The following RBFOX1 variants were observed in gnomAD, a reference collection of about 807,000 sequenced individuals.
The protein encoded by RBFOX1 is RNA binding protein fox-1 homolog 1.
RBFOX1 carries 8 observed loss-of-function variants against 57.7 expected under a neutral mutation model. The ratio of observed to expected loss-of-function variants is 0.14; its 90% CI spans 0.08 to 0.25. RBFOX1 has a LOEUF of 0.25. Ranked by LOEUF, RBFOX1 falls within the 10% of genes least tolerant of loss-of-function variation. The probability of loss-of-function intolerance (pLI) is 1.00; values close to 1 mark genes in which losing one functional copy is unlikely to be tolerated. For missense variants in RBFOX1, 611 were observed against 548.5 expected (o/e 1.11, Z -1.14); for synonymous variants, 326 against 222.4 (o/e 1.47, Z -4.15).
At chr16:6,251,669 G>A (rs144633152) in intron 1 of RBFOX1, among the ~76,000 whole-genome samples, 1 of 152,218 alleles carries the variant, frequency 6.6e-6, no homozygotes, top group East Asian at 1.9e-4. Context: ...ACAGAGTTTG[G>A]TGCATCAGTA....
chr16:5,507,433 A>G (rs548639392), intron 2 of RBFOX1, among the ~76,000 whole-genome samples: 10 of 152,242 alleles, frequency 6.6e-5, no homozygotes, highest in African/African-American at 2.2e-4. Flanking sequence ...CATGTGGTGC[A>G]TGAATGGGGG....
At chr16:7,334,000 C>A (rs1002071752) in intron 4 of RBFOX1, among the ~76,000 whole-genome samples, 1 of 152,208 alleles carries the variant, frequency 6.6e-6, no homozygotes, top group Non-Finnish European at 1.5e-5. Context: ...TATTTAGGTA[C>A]GTCCTTTCAC....
At chr16:5,725,970 T>C (rs561834218) in intron 3 of RBFOX1, among the ~76,000 whole-genome samples, 5 of 152,174 alleles carry the variant, frequency 3.3e-5, no homozygotes, top group East Asian at 2.0e-4. Flanking sequence ...ATTTCTGAGG[T>C]TGGTCACCAA....
chr16:6,216,133 G>A (rs962199624), intron 1 of RBFOX1, among the ~76,000 whole-genome samples: 4 of 152,168 alleles, frequency 2.6e-5, no homozygotes, highest in Non-Finnish European at 5.9e-5. Context: ...CTTTTGGAGG[G>A]TGGGGAGTTG....
At chr16:6,278,909 A>G (rs1431959443) in intron 1 of RBFOX1, among the ~76,000 whole-genome samples, 1 of 152,160 alleles carries the variant, frequency 6.6e-6, no homozygotes, top group Admixed American at 6.5e-5. Context: ...GATTTTTTTT[A>G]ATCACCAAGA....
intron 14 of RBFOX1, chr16:7,693,479 GAAAA>G (rs199635596): frequency 8.0e-6 from 4 of 502,640 alleles, no homozygotes; most frequent in South Asian, 3.1e-5. Flanking sequence ...GTTTAGTTAA[GAAAA>G]AAAAAAAAGA....
chr16:5,802,109 G>C (rs189248122), intron 3 of RBFOX1, among the ~76,000 whole-genome samples: 1 of 152,120 alleles, frequency 6.6e-6, no homozygotes, highest in African/African-American at 2.4e-5. Flanking sequence ...CTCTGGAGTA[G>C]TGTATAAGCT....
intron 1 of RBFOX1, among the ~76,000 whole-genome samples, chr16:5,394,499 A>C (rs924934354): frequency 4.0e-5 from 6 of 149,790 alleles, no homozygotes; most frequent in African/African-American, 1.5e-4. Flanking sequence ...CATATCTCAA[A>C]TCTCTTTTTT....
At chr16:5,709,858 T>TAA (rs2051417088) in intron 3 of RBFOX1, among the ~76,000 whole-genome samples, 1 of 55,252 alleles carries the variant, frequency 1.8e-5, no homozygotes, top group South Asian at 8.6e-4. Context: ...TTTTTTTTTT[T>TAA]TTTTTTTTTT....
intron 1 of RBFOX1, among the ~76,000 whole-genome samples, chr16:5,442,159 G>T (rs2068104535): frequency 6.6e-6 from 1 of 152,242 alleles, no homozygotes; most frequent in Non-Finnish European, 1.5e-5. Flanking sequence ...CTTCCTAGAA[G>T]AGGCAGTGCC....
chr16:7,378,251 C>A (rs2097721158), intron 4 of RBFOX1, among the ~76,000 whole-genome samples: 2 of 152,226 alleles, frequency 1.3e-5, no homozygotes, highest in South Asian at 4.2e-4. Flanking sequence ...TGATCTCGAG[C>A]CTTTTCCTCC....
intron 2 of RBFOX1, among the ~76,000 whole-genome samples, chr16:5,469,677 C>T (rs948632594): frequency 1.3e-5 from 2 of 152,158 alleles, no homozygotes; most frequent in African/African-American, 2.4e-5. Context: ...TTCCTCCATC[C>T]CCAGCCCCTG....
chr16:5,762,467 G>A (rs534038712), intron 3 of RBFOX1, among the ~76,000 whole-genome samples: 24 of 152,124 alleles, frequency 1.6e-4, no homozygotes, highest in African/African-American at 5.5e-4. Context: ...ACAACCTTTT[G>A]TGGGGCAGTT....
chr16:6,718,483 C>T (rs192857617), intron 3 of RBFOX1, among the ~76,000 whole-genome samples: 4 of 152,254 alleles, frequency 2.6e-5, no homozygotes, highest in East Asian at 1.9e-4. Context: ...CACGGTTGGA[C>T]AGAGTCTTGA....
intron 1 of RBFOX1, among the ~76,000 whole-genome samples, chr16:6,101,646 C>T (rs1349510240): frequency 6.6e-6 from 1 of 152,086 alleles, no homozygotes; most frequent in Admixed American, 6.5e-5. Flanking sequence ...GCCACCAGGC[C>T]CAGCGTGGCT....
At chr16:7,420,095 C>T (rs2098525912) in intron 4 of RBFOX1, among the ~76,000 whole-genome samples, 1 of 152,006 alleles carries the variant, frequency 6.6e-6, no homozygotes, top group South Asian at 2.1e-4. Flanking sequence ...TGTCAGCCTT[C>T]CTGTTCAGCG....
intron 2 of RBFOX1, among the ~76,000 whole-genome samples, chr16:5,566,217 C>T (rs756999002): frequency 3.9e-5 from 6 of 152,122 alleles, no homozygotes; most frequent in Admixed American, 2.0e-4. Flanking sequence ...TCCGACCACA[C>T]TTGGTCTCCT....
intron 3 of RBFOX1, among the ~76,000 whole-genome samples, chr16:6,700,096 G>C (rs1048296888): frequency 6.6e-6 from 1 of 152,024 alleles, no homozygotes; most frequent in Admixed American, 6.6e-5. Flanking sequence ...TAGCATCCCT[G>C]AATAAACCAG....
At chr16:6,010,276 C>T (rs979872673) in intron 4 of RBFOX1, among the ~76,000 whole-genome samples, 9 of 152,176 alleles carry the variant, frequency 5.9e-5, no homozygotes, top group Admixed American at 3.3e-4. Flanking sequence ...CACCTCCCCT[C>T]CCCAGGATAA....
Sources: gnomAD v4.1 joint callset for allele counts (sites outside exome capture counted in the v4.1 genomes callset) on GRCh38, gnomAD v4.1.1 for gene constraint, MANE v1.5 for transcripts, NCBI Gene and HGNC (gene_info 2026-07-23, HGNC 2026-07-21) for gene names.